NUDT12: variants seen among roughly 807,000 people sequenced by gnomAD.
The protein encoded by NUDT12 is NAD-capped RNA hydrolase NUDT12.
NUDT12 carries 42 observed loss-of-function variants against 45.7 expected under a neutral mutation model. That is an observed-to-expected ratio of 0.92 (90% CI 0.72 to 1.19). The LOEUF is 1.19. Among genes scored for constraint, NUDT12 ranks in the 50% most tolerant of loss-of-function variants. NUDT12 has a pLI of 0.00. For missense variants in NUDT12, 590 were observed against 533.1 expected, an observed-to-expected ratio of 1.11 and a Z score of -1.05; for synonymous variants, 206 against 179.7, an observed-to-expected ratio of 1.15 and a Z score of -1.17.
chr5:103,554,808 C>T lies in NUDT12; in HGVS notation c.1010G>A (p.Cys337Tyr), dbSNP rs1357532474. The change falls in exon 5 of 7, where the codon TGC becomes TAC. Residue 337 changes from cysteine to tyrosine, a missense_variant. Cys to Tyr is a radical substitution (Grantham distance 194). Coordinates refer to ENST00000230792, the MANE Select transcript of NUDT12 (RefSeq NM_031438.4). ...AAATCTTTTCTGCCTGCCTAAAAGG[C>T]ATTTGGTCCCATCTGGATGAATAAC... Reference protein sequence around the residue: ...MQVIHPDGTKCLLGRQKRFPP... With the variant: ...MQVIHPDGTKYLLGRQKRFPP... 5.1e-6 allele frequency: 8 copies of T among 1,563,952 alleles called. No homozygotes were observed. The Admixed American group carries it at 1.4e-4, about 28-fold the overall frequency.
chr5:103,556,833 T>G (rs1043123010), intron 3 of NUDT12, among the ~76,000 whole-genome samples: 2 of 151,982 alleles, frequency 1.3e-5, no homozygotes, highest in African/African-American at 2.4e-5. Context: ...CTCCCTAAAA[T>G]AGATTATTTG....
chr5:103,554,424 A>G (rs1046639023), intron 5 of NUDT12: 3 of 163,050 alleles, frequency 1.8e-5, no homozygotes, highest in African/African-American at 7.2e-5. Flanking sequence ...GCCTCTTTGA[A>G]AAGGTAACAG....
Position 103,554,153 on chromosome 5 carries a change from A to G in NUDT12, c.1078+587T>C, listed in dbSNP as rs74911732. Among the ~76,000 whole-genome samples the G allele has an allele frequency of 1.1e-4, 17 of 152,182 alleles. No homozygotes were observed. In the East Asian group the frequency reaches 3.3e-3, roughly 29 times the overall value. ...TTAGATGTATTCATTCACTCCACAA[A>G]CATTTACTGACTTTCTACTACATGT... is the stretch of plus-strand genomic sequence containing the variant. On this transcript the variant is annotated intron_variant, in intron 5 of 6. Coordinates refer to ENST00000230792, the MANE Select transcript of NUDT12 (RefSeq NM_031438.4).
chr5:103,560,215 TTTC>T lies in NUDT12; in HGVS notation c.31_33del (p.Glu11del). The T allele has an allele frequency of 6.2e-7, 1 of 1,613,874 alleles. No individual in the cohort carries two copies. The highest frequency in any genetic ancestry group is 8.5e-7 in the Non-Finnish European group (1 of 1,179,766). ...GCTGAACAGTGAAACTGAGTAACTA[TTTC>T]TTGCTTCAGACTTCTTTTTACAGAA... is the stretch of plus-strand genomic sequence containing the variant. On this transcript the variant is annotated inframe_deletion, in exon 2 of 7. Transcript: ENST00000230792.
intron 3 of NUDT12, among the ~76,000 whole-genome samples, chr5:103,556,601 G>C (rs187292319): frequency 1.5e-3 from 226 of 152,164 alleles, no homozygotes; most frequent in African/African-American, 5.0e-3. Context: ...TTTTCAACTG[G>C]AGACTGCATG....
intron 2 of NUDT12, 67 bp downstream of exon 2, chr5:103,559,976 A>T: frequency 8.9e-7 from 1 of 1,125,210 alleles, no homozygotes; most frequent in Non-Finnish European, 1.3e-6. Flanking sequence ...GCAAAATTTT[A>T]AAGTAAATAT....
intron 4 of NUDT12, 29 bp downstream of exon 4, chr5:103,555,902 G>A (rs1748799603): frequency 2.1e-6 from 3 of 1,431,870 alleles, no homozygotes; most frequent in African/African-American, 2.9e-5. Context: ...CAAGATCCAG[G>A]TGGCTGAGAT....
intron 1 of NUDT12, among the ~76,000 whole-genome samples, chr5:103,560,606 G>T (rs1047554774): frequency 6.6e-6 from 1 of 151,966 alleles, no homozygotes; most frequent in South Asian, 2.1e-4. Context: ...GGGGACATGA[G>T]GGGGAGAGCA....
chr5:103,562,763 G>C lies in NUDT12; in HGVS notation c.-67C>G, dbSNP rs1342121895. The C allele has an allele frequency of 7.4e-6, 1 of 134,338 alleles. No individual in the cohort carries two copies. The allele number at this position is 134,338 out of a possible 1,614,324, so 8.3% of individuals were successfully genotyped here. A position where few individuals can be genotyped will look rare whatever the true frequency, so the allele number is the denominator to read the frequency against. On this transcript the variant is annotated 5_prime_UTR_variant, in exon 1 of 7. Coordinates refer to ENST00000230792, the MANE Select transcript of NUDT12 (RefSeq NM_031438.4). ...GTCCAAAGATTGGGATATCCCACTC[G>C]CTTTTCCTGGAGCCGGATGCAGTCT...
chr5:103,556,409 T>A (rs980633846), intron 3 of NUDT12, among the ~76,000 whole-genome samples: 7 of 152,046 alleles, frequency 4.6e-5, no homozygotes, highest in Admixed American at 3.9e-4. Context: ...ATGATTCTAG[T>A]GTAGAGTAAG....
intron 1 of NUDT12, among the ~76,000 whole-genome samples, chr5:103,561,132 AT>A (rs958049121): frequency 6.0e-5 from 9 of 149,550 alleles, no homozygotes; most frequent in South Asian, 4.2e-4. Context: ...TTCTCAAAGT[AT>A]TTTTTTTTAA....
chr5:103,548,873 T>G lies in NUDT12; in HGVS notation c.*1988A>C, dbSNP rs1562614641. 1 of 152,178 alleles carries G rather than the reference T, an allele frequency of 6.6e-6. No homozygotes were observed. Among genetic ancestry groups the G allele is most frequent in the Admixed American group, 6.6e-5 (1 of 15,264 alleles). 9.4% of individuals were successfully genotyped at this position (152,178 alleles called of 1,614,324 possible). A position where few individuals can be genotyped will look rare whatever the true frequency, so the allele number is the denominator to read the frequency against. ...AACAAAATAGATTTTAAAAATTTAA[T>G]GTATTATTACATTCATTTCCAGTAG... On this transcript the variant is annotated 3_prime_UTR_variant, in exon 7 of 7. Transcript: ENST00000230792.
chr5:103,554,899 T>A, intron 4 of NUDT12, 46 bp from the exon 5 acceptor site: 1 of 721,106 alleles, frequency 1.4e-6, no homozygotes, highest in South Asian at 1.9e-5. Flanking sequence ...GAAAAACGAA[T>A]TTAGATTCAT....
chr5:103,551,328 A>G (rs567817924), intron 6 of NUDT12, among the ~76,000 whole-genome samples: 6 of 152,186 alleles, frequency 3.9e-5, no homozygotes, highest in African/African-American at 1.4e-4. Flanking sequence ...TGCCCAGGCT[A>G]GTCTCAAACT....
Position 103,559,149 on chromosome 5 carries a change from G to A in NUDT12, c.526C>T (p.Leu176Phe). The change falls in exon 3 of 7, where the codon CTT becomes TTT. Residue 176 changes from leucine to phenylalanine, a missense_variant. Leu to Phe is a conservative substitution (Grantham distance 22). Coordinates refer to ENST00000230792, the MANE Select transcript of NUDT12 (RefSeq NM_031438.4). ...ATATCTGTGTAGTTCAGCTGACAAA[G>A]CCTAACTTCTGGCTGTTGGAAACTT... ...KESFQQPEVR[L>F]CQLNYTDIKD... 6.4e-7 allele frequency: 1 copy of A among 1,570,268 alleles called. No homozygotes were observed. Among genetic ancestry groups the A allele is most frequent in the Non-Finnish European group, 8.6e-7 (1 of 1,161,290 alleles).
rs1438400455 is a variant in NUDT12, at chr5:103,560,152, T to C, written c.97A>G (p.Ser33Gly). ...TCATTGAGAAGAGATGGAGAATGACTGAGTATTCCTGTTAACTTGGCAATA... is the reference window on the plus strand; with the variant it reads ...TCATTGAGAAGAGATGGAGAATGACCGAGTATTCCTGTTAACTTGGCAATA... ...GDIAKLTGILSHSPSLLNETS... is the reference protein window; with the variant it reads ...GDIAKLTGILGHSPSLLNETS... Residue 33 changes from serine to glycine, a missense_variant, in exon 2 of 7, where the codon AGT becomes GGT. By Grantham distance (56) the Ser-to-Gly change is moderately conservative. Transcript: ENST00000230792. 6.2e-7 allele frequency: 1 copy of C among 1,613,584 alleles called. No homozygotes were observed. The highest frequency in any genetic ancestry group is 1.1e-5 in the South Asian group (1 of 91,072).
In NUDT12 at chr5:103,550,641, GA is replaced by G; in HGVS notation, c.*219del. On this transcript the variant is annotated 3_prime_UTR_variant, in exon 7 of 7. Transcript: ENST00000230792. ...GAAACCAAGAGAGAAAAAGTTCAGAGAAGACTGACCCAAATTTAACATAATC... is the reference window on the plus strand; with the variant it reads ...GAAACCAAGAGAGAAAAAGTTCAGAGAGACTGACCCAAATTTAACATAATC... The G allele has an allele frequency of 2.6e-6, 1 of 378,956 alleles. No homozygotes were observed. The allele number at this position is 378,956 out of a possible 1,614,324, so 23.5% of individuals were successfully genotyped here.
At position 103,550,847 on chromosome 5, in the gene NUDT12, C is replaced by T. The variant is rs374269537; in HGVS notation, c.*14G>A. 1.9e-5 allele frequency: 29 copies of T among 1,525,720 alleles called. No individual in the cohort carries two copies. The Middle Eastern group carries it at 5.1e-4, about 27-fold the overall frequency. The allele number at this position is 1,525,720 out of a possible 1,614,324, so 94.5% of individuals were successfully genotyped here. A position where few individuals can be genotyped will look rare whatever the true frequency, so the allele number is the denominator to read the frequency against. On this transcript the variant is annotated 3_prime_UTR_variant, in exon 7 of 7. Coordinates refer to ENST00000230792, the MANE Select transcript of NUDT12 (RefSeq NM_031438.4). The stretch of plus-strand genomic sequence containing the variant: ...AGAAATTATTAAATAATACTCAAAG[C>T]TTAGTTCTTAGATTTAGAGATTAGG...
rs1406870459 is a variant in NUDT12 at position 103,560,228 on chromosome 5, A to C, written c.21T>G (p.Ser7Arg). Residue 7 changes from serine (S) to arginine (R), a missense_variant, in exon 2 of 7, where the codon AGT becomes AGG. Transcript: ENST00000230792. MSSVKR[S>R]LKQEIVTQFH... ...ACTGAGTAACTATTTCTTGCTTCAGACTTCTTTTTACAGAAGACATTTCTT... is the reference window on the plus strand; with the variant it reads ...ACTGAGTAACTATTTCTTGCTTCAGCCTTCTTTTTACAGAAGACATTTCTT... The C allele has an allele frequency of 6.2e-7, 1 of 1,613,402 alleles. No homozygotes were observed. Among genetic ancestry groups the C allele is most frequent in the Non-Finnish European group, 8.5e-7 (1 of 1,179,422 alleles).
Sources: allele counts gnomAD v4.1 joint callset (sites outside exome capture counted in the v4.1 genomes callset), GRCh38; gene constraint gnomAD v4.1.1; transcripts MANE v1.5; gene names NCBI Gene and HGNC (gene_info 2026-07-23, HGNC 2026-07-21).